Variants in RAPGEF6 observed in about 807,000 individuals in gnomAD.
RAPGEF6 encodes the protein Rap guanine nucleotide exchange factor 6.
RAPGEF6 carries 56 observed loss-of-function variants against 171.4 expected under a neutral mutation model. The ratio of observed to expected loss-of-function variants is 0.33; its 90% CI spans 0.26 to 0.41. RAPGEF6 has a LOEUF of 0.41. Among genes scored for constraint, RAPGEF6 ranks in the 10% least tolerant of loss-of-function variants. The pLI is 1.00. For missense variants in RAPGEF6, 1,674 were observed against 1,921.4 expected, an observed-to-expected ratio of 0.87 and a Z score of 2.41; for synonymous variants, 692 against 650.1, an observed-to-expected ratio of 1.06 and a Z score of -0.98.
At chr5:131,436,386 A>AG (rs1752006410) in intron 24 of RAPGEF6, 1 of 1,534,950 alleles carries the variant, frequency 6.5e-7, no homozygotes, top group Admixed American at 2.0e-5. Context: ...TGCCAACTGG[A>AG]GGGAGAGATG....
intron 15 of RAPGEF6, among the ~76,000 whole-genome samples, chr5:131,480,581 C>A (rs1233872646): frequency 6.6e-6 from 1 of 152,022 alleles, no homozygotes; most frequent in Non-Finnish European, 1.5e-5. Context: ...CGGGTTCAAG[C>A]GATTCTCTTG....
intron 7 of RAPGEF6, among the ~76,000 whole-genome samples, chr5:131,513,106 G>A (rs868439586): frequency 3.3e-5 from 5 of 152,130 alleles, no homozygotes; most frequent in Non-Finnish European, 7.4e-5. Context: ...GGGTTTAAAC[G>A]GAGTATATTT....
At chr5:131,427,321 C>A in intron 27 of RAPGEF6, 30 bp from the exon 28 acceptor site, 2 of 1,555,838 alleles carry the variant, frequency 1.3e-6, no homozygotes, top group Non-Finnish European at 1.8e-6. Context: ...AATTAACTGG[C>A]AGATCAGCAT....
chr5:131,621,889 A>C (rs747292879), intron 1 of RAPGEF6, among the ~76,000 whole-genome samples: 1 of 152,076 alleles, frequency 6.6e-6, no homozygotes, highest in Non-Finnish European at 1.5e-5. Context: ...TCTCCCCCAA[A>C]GGCCTTCCTA....
intron 7 of RAPGEF6, among the ~76,000 whole-genome samples, chr5:131,519,686 C>T (rs1164204184): frequency 1.3e-5 from 2 of 152,184 alleles, no homozygotes; most frequent in East Asian, 3.8e-4. Flanking sequence ...CAACACTAAA[C>T]CTCTGTGTAT....
At chr5:131,623,854 A>C (rs891212202) in intron 1 of RAPGEF6, among the ~76,000 whole-genome samples, 2 of 152,248 alleles carry the variant, frequency 1.3e-5, no homozygotes, top group East Asian at 3.8e-4. Flanking sequence ...GTACTGTGTA[A>C]TGAACACTGG....
intron 27 of RAPGEF6, 90 bp downstream of exon 27, chr5:131,428,812 A>G (rs1751523561): frequency 7.5e-7 from 1 of 1,329,716 alleles, no homozygotes; most frequent in Non-Finnish European, 1.0e-6. Context: ...TAAAGAAACA[A>G]TTACTAATTA....
chr5:131,582,675 AT>A (rs1223864747), intron 4 of RAPGEF6, among the ~76,000 whole-genome samples: 1 of 152,224 alleles, frequency 6.6e-6, no homozygotes, highest in Non-Finnish European at 1.5e-5. Context: ...TAGGGAGAAA[AT>A]ATTTGCAAAT....
At chr5:131,463,269 G>T (rs971032946) in intron 18 of RAPGEF6, among the ~76,000 whole-genome samples, 2 of 152,066 alleles carry the variant, frequency 1.3e-5, no homozygotes, top group Admixed American at 1.3e-4. Context: ...ATATGAAACT[G>T]GGTTACCAAA....
chr5:131,633,710 G>A (rs1272126976), intron 1 of RAPGEF6, among the ~76,000 whole-genome samples: 1 of 152,158 alleles, frequency 6.6e-6, no homozygotes, highest in Non-Finnish European at 1.5e-5. Context: ...CAGCCTGGGT[G>A]ACAGAGTGAG....
chr5:131,510,835 A>C (rs1000931225), intron 7 of RAPGEF6, among the ~76,000 whole-genome samples: 1 of 152,238 alleles, frequency 6.6e-6, no homozygotes, highest in Non-Finnish European at 1.5e-5. Context: ...GAAGTACAGG[A>C]AAGAAAAAGT....
intron 4 of RAPGEF6, among the ~76,000 whole-genome samples, chr5:131,581,054 C>A (rs1042549954): frequency 6.6e-6 from 1 of 152,216 alleles, no homozygotes; most frequent in Non-Finnish European, 1.5e-5. Context: ...TCTGTCACAA[C>A]ATTCCGCAGC....
chr5:131,432,659 C>G (rs1433786787), intron 25 of RAPGEF6, among the ~76,000 whole-genome samples: 1 of 151,784 alleles, frequency 6.6e-6, no homozygotes, highest in Non-Finnish European at 1.5e-5. Flanking sequence ...AAAAGTTTTA[C>G]TGGGACACAG....
intron 13 of RAPGEF6, among the ~76,000 whole-genome samples, chr5:131,494,880 A>T (rs2149876857): frequency 6.6e-6 from 1 of 152,358 alleles, no homozygotes; most frequent in Non-Finnish European, 1.5e-5. Flanking sequence ...GACCTAGGTG[A>T]CTTTAGCAAC....
rs1751329818 is a variant in RAPGEF6 at position 131,424,919 on chromosome 5, C to G, written c.*2347G>C. ...TTATAAAACAAAAACAAATGGAGATCTGGAATTGGAGTAAATGCAGCTTAA... is the reference window on the plus strand; with the variant it reads ...TTATAAAACAAAAACAAATGGAGATGTGGAATTGGAGTAAATGCAGCTTAA... On this transcript the variant is annotated 3_prime_UTR_variant, in exon 28 of 28. Transcript: ENST00000509018. 1 of 152,288 alleles carries G rather than the reference C, an allele frequency of 6.6e-6. No individual in the cohort carries two copies. Among genetic ancestry groups the G allele is most frequent in the South Asian group, 2.1e-4 (1 of 4,830 alleles). The allele number at this position is 152,288 out of a possible 1,614,324, so 9.4% of individuals were successfully genotyped here. A position where few individuals can be genotyped will look rare whatever the true frequency, so the allele number is the denominator to read the frequency against.
In RAPGEF6 at chr5:131,586,427, T is replaced by C. The variant is rs138842643; in HGVS notation, c.281+5956A>G. ...CAGCACTTTGGGAAGCCAAGGCAGG[T>C]GGATTACTTGAGGCCAGCAGTGGTG... On this transcript the variant is annotated intron_variant, in intron 4 of 27. Coordinates refer to ENST00000509018, the MANE Select transcript of RAPGEF6 (RefSeq NM_016340.6). Among the ~76,000 whole-genome samples, 668 of 152,284 alleles carry C rather than the reference T, an allele frequency of 4.4e-3. 11 individuals carry two copies. Among genetic ancestry groups the C allele is most frequent in the African/African-American group, 0.016 (649 of 41,560 alleles).
intron 7 of RAPGEF6, among the ~76,000 whole-genome samples, chr5:131,512,779 G>A (rs1441725404): frequency 6.6e-6 from 1 of 152,100 alleles, no homozygotes. Flanking sequence ...GAACTCTCAC[G>A]AATGGGATTA....
chr5:131,555,150 A>G (rs1038294020), intron 5 of RAPGEF6, among the ~76,000 whole-genome samples: 1 of 152,182 alleles, frequency 6.6e-6, no homozygotes. Flanking sequence ...ATAATTTTAA[A>G]TATTTCTCTG....
chr5:131,596,584 T>C (rs1763918989), intron 3 of RAPGEF6, among the ~76,000 whole-genome samples: 1 of 151,968 alleles, frequency 6.6e-6, no homozygotes, highest in South Asian at 2.1e-4. Flanking sequence ...AGCATGGTAC[T>C]GACATAAAAA....
Sources: gnomAD v4.1 joint callset for allele counts (sites outside exome capture counted in the v4.1 genomes callset) on GRCh38, gnomAD v4.1.1 for gene constraint, MANE v1.5 for transcripts, NCBI Gene and HGNC (gene_info 2026-07-23, HGNC 2026-07-21) for gene names.